Variants in LZIC observed in about 807,000 individuals in gnomAD.
LZIC encodes the protein protein LZIC.
Under a neutral mutation model 25.4 loss-of-function variants are expected in LZIC, and 28 were observed. The ratio of observed to expected loss-of-function variants is 1.10; its 90% CI spans 0.82 to 1.51. LZIC has a LOEUF of 1.51. LZIC is among the 40% of genes most tolerant of loss of function. LZIC has a pLI of 0.00. For missense variants in LZIC, 170 were observed against 211.1 expected, an observed-to-expected ratio of 0.81 and a Z score of 1.21; for synonymous variants, 65 against 70.7, an observed-to-expected ratio of 0.92 and a Z score of 0.40.
intron 2 of LZIC, among the ~76,000 whole-genome samples, chr1:9,941,500 C>CT (rs1217006418): frequency 0.026 from 3,382 of 132,434 alleles, 133 homozygotes; most frequent in African/African-American, 0.069. Context: ...TAGCCTTTAC[C>CT]TTTTTTTTTT....
Position 9,928,465 on chromosome 1 carries a change from A to G in LZIC, c.*1934T>C, listed in dbSNP as rs1267137545. Among the ~76,000 whole-genome samples the G allele has an allele frequency of 2.0e-5, 3 of 152,256 alleles. No homozygotes were observed. ...TTCACAATAGCCAAAAGAAGGAAACAACCCAAATCATCAACAGATACCGGA... is the reference window on the plus strand; with the variant it reads ...TTCACAATAGCCAAAAGAAGGAAACGACCCAAATCATCAACAGATACCGGA... On this transcript the variant is annotated 3_prime_UTR_variant, in exon 8 of 8. Coordinates refer to ENST00000377223, the MANE Select transcript of LZIC (RefSeq NM_032368.5).
intron 2 of LZIC, among the ~76,000 whole-genome samples, chr1:9,938,821 A>T (rs926039841): frequency 1.3e-5 from 2 of 152,182 alleles, no homozygotes; most frequent in Non-Finnish European, 2.9e-5. Context: ...AGATTTATAC[A>T]TCTTTATATT....
chr1:9,933,333 T>C (rs1640320309), intron 5 of LZIC, among the ~76,000 whole-genome samples: 1 of 143,704 alleles, frequency 7.0e-6, no homozygotes, highest in Non-Finnish European at 1.5e-5. Context: ...GACGTACTTC[T>C]TAAAAAAAAA....
Position 9,929,568 on chromosome 1 carries a change from C to A in LZIC, c.*831G>T. ...CACGCACAGGGAGGGCCTCTAGCTG[C>A]CATTTCCTGTTGCTTCCCTGGTCAA... On this transcript the variant is annotated 3_prime_UTR_variant, in exon 8 of 8. Coordinates refer to ENST00000377223, the MANE Select transcript of LZIC (RefSeq NM_032368.5). 1 of 985,378 alleles carries A rather than the reference C, an allele frequency of 1.0e-6. No homozygotes were observed. Among genetic ancestry groups the A allele is most frequent in the Non-Finnish European group, 1.2e-6 (1 of 829,924 alleles). 61.0% of individuals were successfully genotyped at this position (985,378 alleles called of 1,614,324 possible). A position where few individuals can be genotyped will look rare whatever the true frequency, so the allele number is the denominator to read the frequency against.
At chr1:9,925,821 C>G (rs1395071781), downstream of LZIC, among the ~76,000 whole-genome samples, 1 of 150,320 alleles carries the variant, frequency 6.7e-6, no homozygotes, top group Non-Finnish European at 1.5e-5. Context: ...AACTCCTGAC[C>G]TTGTGATCTG....
At chr1:9,933,028 G>A (rs1640294958) in intron 5 of LZIC, 130 bp from the exon 6 acceptor site, 1 of 593,800 alleles carries the variant, frequency 1.7e-6, no homozygotes, top group South Asian at 2.0e-5. Context: ...CACGAGGCGG[G>A]CGGATCACGA....
rs776067258 is a variant in LZIC at position 9,930,505 on chromosome 1, T to C, written c.515-48A>G. On this transcript the variant is annotated intron_variant, in intron 7 of 7. Coordinates refer to ENST00000377223, the MANE Select transcript of LZIC (RefSeq NM_032368.5). Reference sequence around the variant, plus strand: ...AACAAAAAGATTATTTCAAGTGCAGTTGCAATTCCTGGTAAAGTGGGAAAA... The same window carrying C: ...AACAAAAAGATTATTTCAAGTGCAGCTGCAATTCCTGGTAAAGTGGGAAAA... The C allele has an allele frequency of 6.9e-6, 11 of 1,604,888 alleles. No homozygotes were observed. In the East Asian group the frequency reaches 1.8e-4, roughly 26 times the overall value.
At chr1:9,941,977 C>T (rs879654058) in intron 2 of LZIC, among the ~76,000 whole-genome samples, 62 of 152,086 alleles carry the variant, frequency 4.1e-4, no homozygotes, top group Non-Finnish European at 7.6e-4. Flanking sequence ...AGTGCAGTGG[C>T]GCGATCTCGG....
chr1:9,930,355 TTTACA>T lies in LZIC; in HGVS notation c.*39_*43del, dbSNP rs1640155978. 3 of 1,599,014 alleles carry T rather than the reference TTTACA, an allele frequency of 1.9e-6. No individual in the cohort carries two copies. The highest frequency in any genetic ancestry group is 2.6e-6 in the Non-Finnish European group (3 of 1,173,082). ...TGAAAACCCCAGAAGAAAGACACCA[TTTACA>T]TTAAGAATGTGATCAATGTTACAAG... On this transcript the variant is annotated 3_prime_UTR_variant, in exon 8 of 8. Coordinates refer to ENST00000377223, the MANE Select transcript of LZIC (RefSeq NM_032368.5).
At chr1:9,923,219 TTTTA>T (rs1157280496), downstream of LZIC, among the ~76,000 whole-genome samples, 1 of 152,122 alleles carries the variant, frequency 6.6e-6, no homozygotes, top group East Asian at 1.9e-4. Flanking sequence ...AATGCCTCCA[TTTTA>T]TTTATTTTAT....
At chr1:9,933,385 C>T (rs1640323474) in intron 5 of LZIC, among the ~76,000 whole-genome samples, 1 of 148,456 alleles carries the variant, frequency 6.7e-6, no homozygotes, top group African/African-American at 2.5e-5. Flanking sequence ...CAGATATAAT[C>T]CAAGGCAAAT....
At position 9,931,937 on chromosome 1, in the gene LZIC, A is replaced by G; in HGVS notation, c.468T>C (p.Asn156=). The part of the protein sequence containing the change: ...TADDEAFLSA[N]AGAILSQFEK... ...CAAACTGGCTGAGTATAGCACCTGC[A>G]TTTGCTGACAAGAAGGCCTCATCAT... The change falls in exon 7 of 8, where the codon AAT becomes AAC. Residue 156 remains asparagine (N), a synonymous_variant. Coordinates refer to ENST00000377223, the MANE Select transcript of LZIC (RefSeq NM_032368.5). The G allele has an allele frequency of 6.2e-7, 1 of 1,613,944 alleles. No homozygotes were observed. Among genetic ancestry groups the G allele is most frequent in the Non-Finnish European group, 8.5e-7 (1 of 1,179,922 alleles).
At chr1:9,936,149 CA>C (rs1237169609) in intron 3 of LZIC, among the ~76,000 whole-genome samples, 1 of 147,768 alleles carries the variant, frequency 6.8e-6, no homozygotes, top group Non-Finnish European at 1.5e-5. Context: ...AAAAAAGCTG[CA>C]ATGAACTGTT....
In LZIC at chr1:9,939,948, G is replaced by A. The variant is rs186077422; in HGVS notation, c.-9+2676C>T. ...AGCCTGGCCGACACGGCGAAACCCC[G>A]TCTCTACAATAAATTAAAATATTAG... On this transcript the variant is annotated intron_variant, in intron 2 of 7. Coordinates refer to ENST00000377223, the MANE Select transcript of LZIC (RefSeq NM_032368.5). 3.2e-3 allele frequency among the ~76,000 whole-genome samples: 491 copies of A among 151,970 alleles called. 2 individuals carry two copies. The highest frequency in any genetic ancestry group is 4.4e-3 in the Non-Finnish European group (298 of 67,960).
At chr1:9,923,918 AATTTTTGT>A (rs1639920039), downstream of LZIC, among the ~76,000 whole-genome samples, 1 of 152,012 alleles carries the variant, frequency 6.6e-6, no homozygotes, top group Non-Finnish European at 1.5e-5. Context: ...ACGCCCGGCT[AATTTTTGT>A]ATTTTTGTAG....
intron 4 of LZIC, among the ~76,000 whole-genome samples, 198 bp from the exon 5 acceptor site, chr1:9,935,058 G>T (rs1179352228): frequency 6.6e-6 from 1 of 152,046 alleles, no homozygotes; most frequent in Non-Finnish European, 1.5e-5. Context: ...CACCTTGGGA[G>T]GCCAAGGCAG....
At position 9,932,179 on chromosome 1, in the gene LZIC, A is replaced by G. The variant is rs1334760970; in HGVS notation, c.433-207T>C. On this transcript the variant is annotated intron_variant, in intron 6 of 7. Transcript: ENST00000377223. The stretch of plus-strand genomic sequence containing the variant: ...GCCAACATGATGAAACCCCATTTCT[A>G]TTAAAAATACAAAAAATCAGCTGGG... 15 of 452,506 alleles carry G rather than the reference A, an allele frequency of 3.3e-5. 1 individual carries two copies. In the South Asian group the frequency reaches 3.6e-4, roughly 11 times the overall value. The allele number at this position is 452,506 out of a possible 1,614,324, so 28.0% of individuals were successfully genotyped here.
intron 5 of LZIC, among the ~76,000 whole-genome samples, chr1:9,933,484 T>C (rs1008927244): frequency 1.3e-5 from 2 of 151,890 alleles, no homozygotes; most frequent in African/African-American, 2.4e-5. Context: ...GTACCACACA[T>C]TGGGAATATT....
In LZIC at chr1:9,930,059, T is replaced by G; in HGVS notation, c.*340A>C. 9.6e-7 allele frequency: 1 copy of G among 1,045,900 alleles called. No homozygotes were observed. The highest frequency in any genetic ancestry group is 1.2e-6 in the Non-Finnish European group (1 of 866,326). The allele number at this position is 1,045,900 out of a possible 1,614,324, so 64.8% of individuals were successfully genotyped here. On this transcript the variant is annotated 3_prime_UTR_variant, in exon 8 of 8. Coordinates refer to ENST00000377223, the MANE Select transcript of LZIC (RefSeq NM_032368.5). ...GTTGTAAGCAGAAAAATATCATTAC[T>G]TCACATCTTTTCGTTCACTATCAAC...
Sources: allele counts gnomAD v4.1 joint callset (sites outside exome capture counted in the v4.1 genomes callset), GRCh38; gene constraint gnomAD v4.1.1; transcripts MANE v1.5; gene names NCBI Gene and HGNC (gene_info 2026-07-23, HGNC 2026-07-21).